MYO5B: variants seen among roughly 807,000 people sequenced by gnomAD.
MYO5B encodes unconventional myosin-Vb.
MYO5B carries 143 observed loss-of-function variants against 229.3 expected under a neutral mutation model. That is an observed-to-expected ratio of 0.62 (90% CI 0.54 to 0.72). MYO5B has a LOEUF of 0.72. Ranked by LOEUF, MYO5B falls within the 30% of genes least tolerant of loss-of-function variation. The pLI, the probability that MYO5B is intolerant of heterozygous loss-of-function variation, is 0.00. For synonymous variants in MYO5B, 918 were observed against 885.2 expected (o/e 1.04, Z -0.66); for missense variants, 2,321 against 2,331.0 (o/e 1.00, Z 0.09).
At chr18:50,104,265 GATATATATATATAT>G (rs3075606) in intron 1 of MYO5B, among the ~76,000 whole-genome samples, 5,628 of 134,562 alleles carry the variant, frequency 0.042, 403 homozygotes, top group African/African-American at 0.15. Flanking sequence ...ATCTATACAT[GATATATATATATAT>G]ATATATATAT....
At chr18:49,900,121 G>C (rs2024824669) in intron 21 of MYO5B, among the ~76,000 whole-genome samples, 1 of 152,248 alleles carries the variant, frequency 6.6e-6, no homozygotes, top group African/African-American at 2.4e-5. Flanking sequence ...GGGTGCAGCG[G>C]TCAATGCCTA....
chr18:50,194,174 C>G (rs1241654981), intron 1 of MYO5B, among the ~76,000 whole-genome samples: 1 of 152,226 alleles, frequency 6.6e-6, no homozygotes, highest in African/African-American at 2.4e-5. Flanking sequence ...CATTGCTTAC[C>G]CTCACTCCAT....
At chr18:50,070,800 C>T (rs754097910) in intron 1 of MYO5B, among the ~76,000 whole-genome samples, 45 of 151,938 alleles carry the variant, frequency 3.0e-4, no homozygotes, top group Non-Finnish European at 6.0e-4. Flanking sequence ...CCCTGCACAC[C>T]CCCACTGCCC....
chr18:50,023,482 A>G (rs1439970702), intron 4 of MYO5B, among the ~76,000 whole-genome samples: 1 of 152,216 alleles, frequency 6.6e-6, no homozygotes, highest in Non-Finnish European at 1.5e-5. Context: ...CAGAGTATCT[A>G]GATACCAGGA....
At chr18:49,836,534 A>C (rs1169244311) in intron 38 of MYO5B, among the ~76,000 whole-genome samples, 177 bp downstream of exon 38, 1 of 152,158 alleles carries the variant, frequency 6.6e-6, no homozygotes, top group African/African-American at 2.4e-5. Flanking sequence ...TCACAGACCA[A>C]ATGGTTTTTG....
At chr18:49,967,325 G>C (rs1244514155) in intron 10 of MYO5B, among the ~76,000 whole-genome samples, 1 of 152,194 alleles carries the variant, frequency 6.6e-6, no homozygotes, top group Non-Finnish European at 1.5e-5. Context: ...AAGTCAATTA[G>C]TCACTAAGTT....
At chr18:49,943,716 C>T (rs2025341279) in intron 14 of MYO5B, among the ~76,000 whole-genome samples, 1 of 152,144 alleles carries the variant, frequency 6.6e-6, no homozygotes, top group Non-Finnish European at 1.5e-5. Context: ...TAGAAGAAGC[C>T]TAGCCTCTTC....
chr18:49,878,019 T>C (rs1234997892), intron 24 of MYO5B, 137 bp from the exon 25 acceptor site: 8 of 1,078,318 alleles, frequency 7.4e-6, no homozygotes, highest in Admixed American at 6.8e-5. Flanking sequence ...CTTGGAATGA[T>C]GGCTAAATAA....
chr18:50,001,534 G>A lies in MYO5B; in HGVS notation c.456-123C>T, dbSNP rs573523063. On this transcript the variant is annotated intron_variant, in intron 4 of 39. Coordinates refer to ENST00000285039, the MANE Select transcript of MYO5B (RefSeq NM_001080467.3). ...ATCTCTCCTACTTTAATGGATAAAC[G>A]CAGAGGAACAGTGTAAAAATAGTCT... 218 of 1,195,542 alleles carry A rather than the reference G, an allele frequency of 1.8e-4. No individual in the cohort carries two copies. The African/African-American group carries it at 1.9e-3, about 11-fold the overall frequency. The allele number at this position is 1,195,542 out of a possible 1,614,324, so 74.1% of individuals were successfully genotyped here.
At chr18:49,896,360 G>A (rs2024779092) in intron 21 of MYO5B, among the ~76,000 whole-genome samples, 1 of 152,142 alleles carries the variant, frequency 6.6e-6, no homozygotes, top group Admixed American at 6.5e-5. Context: ...TTGATCTAAG[G>A]CATCACAAAG....
intron 1 of MYO5B, among the ~76,000 whole-genome samples, chr18:50,105,233 A>AAATC (rs1414080120): frequency 2.7e-4 from 39 of 146,214 alleles, no homozygotes; most frequent in Admixed American, 1.0e-3. Context: ...ATAAATAAAT[A>AAATC]AATAAATAAA....
chr18:50,001,152 A>G (rs2026042209), intron 5 of MYO5B, 103 bp downstream of exon 5: 2 of 1,431,638 alleles, frequency 1.4e-6, no homozygotes, highest in South Asian at 1.2e-5. Context: ...GAGGGCTCTC[A>G]GGGAGAGGCG....
chr18:50,129,327 G>T (rs1451327270), intron 1 of MYO5B, among the ~76,000 whole-genome samples: 1 of 152,222 alleles, frequency 6.6e-6, no homozygotes, highest in Non-Finnish European at 1.5e-5. Flanking sequence ...TCTCCTCAAG[G>T]GAACTTCAAC....
intron 1 of MYO5B, among the ~76,000 whole-genome samples, chr18:50,193,054 A>T (rs1416673934): frequency 6.6e-6 from 1 of 152,212 alleles, no homozygotes; most frequent in Non-Finnish European, 1.5e-5. Flanking sequence ...ATGCACTTTA[A>T]TGTAACAAAG....
chr18:49,963,082 A>G, intron 10 of MYO5B, 52 bp from the exon 11 acceptor site: 1 of 1,469,286 alleles, frequency 6.8e-7, no homozygotes, highest in Non-Finnish European at 9.5e-7. Context: ...CAAAGGAATC[A>G]CTGGGACTTC....
chr18:50,147,382 C>G (rs1332420018), intron 1 of MYO5B, among the ~76,000 whole-genome samples: 2 of 152,198 alleles, frequency 1.3e-5, no homozygotes, highest in Non-Finnish European at 2.9e-5. Flanking sequence ...CCACAGTCAC[C>G]TGAATTACTG....
chr18:50,090,667 G>A (rs1429728375), intron 1 of MYO5B, among the ~76,000 whole-genome samples: 3 of 152,130 alleles, frequency 2.0e-5, no homozygotes, highest in Non-Finnish European at 2.9e-5. Flanking sequence ...TACAAAATGT[G>A]GTTTTAAAAA....
chr18:50,178,864 C>A (rs1192506163), intron 1 of MYO5B, among the ~76,000 whole-genome samples: 1 of 152,156 alleles, frequency 6.6e-6, no homozygotes, highest in Non-Finnish European at 1.5e-5. Context: ...TTTGGTTTCA[C>A]ACTGCCAGTC....
intron 39 of MYO5B, among the ~76,000 whole-genome samples, chr18:49,829,026 A>G (rs1186428288): frequency 1.3e-5 from 2 of 152,126 alleles, no homozygotes; most frequent in South Asian, 2.1e-4. Flanking sequence ...TGGAAAAAAT[A>G]GAGAACAGAT....
Sources: gnomAD v4.1 joint callset for allele counts (sites outside exome capture counted in the v4.1 genomes callset) on GRCh38, gnomAD v4.1.1 for gene constraint, MANE v1.5 for transcripts, NCBI Gene and HGNC (gene_info 2026-07-23, HGNC 2026-07-21) for gene names.